The following MUC17 variants were observed in gnomAD, a reference collection of about 807,000 sequenced individuals.
MUC17 encodes the protein mucin 17, cell surface associated, also known as mucin-17.
Under a neutral mutation model 170.3 loss-of-function variants are expected in MUC17, and 190 were observed. The observed-to-expected ratio is 1.12, with a 90% CI of 0.99 to 1.26. MUC17 has a LOEUF of 1.26. MUC17 is among the 50% of genes most tolerant of loss of function. The pLI is 0.00. For synonymous variants in MUC17, 2,325 were observed against 2,002.5 expected (o/e 1.16, Z -4.30); for missense variants, 6,415 against 5,530.0 (o/e 1.16, Z -5.08).
At chr7:101,021,763 G>A (rs962608071) in intron 1 of MUC17, among the ~76,000 whole-genome samples, 5 of 152,062 alleles carry the variant, frequency 3.3e-5, no homozygotes, top group Admixed American at 6.6e-5. Context: ...GGCCAGCTTT[G>A]GGCAGCCTCT....
Position 101,035,342 on chromosome 7 carries a change from T to C in MUC17, c.3926T>C (p.Val1309Ala). The C allele has an allele frequency of 2.5e-6, 4 of 1,610,540 alleles. No homozygotes were observed. Among genetic ancestry groups the C allele is most frequent in the Non-Finnish European group, 3.4e-6 (4 of 1,178,054 alleles). ...LTTPVDTKGP[V>A]VTSNEVSSSP... ...ACTCCTGTTGACACTAAAGGTCCTGTGGTCACTTCTAATGAAGTCAGTTCA... is the reference window on the plus strand; with the variant it reads ...ACTCCTGTTGACACTAAAGGTCCTGCGGTCACTTCTAATGAAGTCAGTTCA... The change falls in exon 3 of 13, where the codon GTG (valine) becomes GCG (alanine). Residue 1309 changes from valine to alanine, a missense_variant. By Grantham distance (64) the Val-to-Ala change is moderately conservative (BLOSUM62 0). Coordinates refer to ENST00000306151, the MANE Select transcript of MUC17 (RefSeq NM_001040105.2).
intron 1 of MUC17, among the ~76,000 whole-genome samples, chr7:101,024,957 C>T (rs775928004): frequency 1.2e-4 from 18 of 151,726 alleles, no homozygotes; most frequent in African/African-American, 1.7e-4. Context: ...TGACTGACCA[C>T]GGCCACCAGC....
intron 4 of MUC17, 109 bp downstream of exon 4, chr7:101,048,224 T>G (rs1422434114): frequency 2.7e-6 from 3 of 1,107,142 alleles, no homozygotes; most frequent in East Asian, 5.9e-5. Flanking sequence ...GGGCCTCTTC[T>G]GGGCTGTGGT....
Position 101,043,672 on chromosome 7 carries a change from C to T in MUC17, c.12256C>T (p.Pro4086Ser), listed in dbSNP as rs1284863537. ...CTCTGCCTCCTCCACGACTGTGAAC[C>T]CTGAGGCTGTCACCACCATGACCAC... Reference protein sequence around the residue: ...TTSASSTTVNPEAVTTMTTRT... With the variant: ...TTSASSTTVNSEAVTTMTTRT... The change falls in exon 3 of 13, where the codon CCT (proline) becomes TCT (serine). Residue 4086 changes from proline (P) to serine (S), a missense_variant. By Grantham distance (74) the Pro-to-Ser change is moderately conservative. Transcript: ENST00000306151. The T allele has an allele frequency of 1.2e-6, 2 of 1,614,158 alleles. No individual in the cohort carries two copies. The highest frequency in any genetic ancestry group is 1.3e-5 in the African/African-American group (1 of 75,042).
Position 101,038,282 on chromosome 7 carries a change from C to A in MUC17, c.6866C>A (p.Thr2289Lys), listed in dbSNP as rs766705643. The change falls in exon 3 of 13, where the codon ACG (threonine) becomes AAG (lysine). Residue 2289 changes from threonine (T) to lysine (K), a missense_variant. Physicochemically the swap from Thr to Lys is moderately conservative, Grantham distance 78. Transcript: ENST00000306151. ...TTAACAAGTATACCTGTCAGCCACA[C>A]GCTGGTGGCCAATTCTGAGGTTAGC... ...TPLTSIPVSHTLVANSEVSTL... is the reference protein window; with the variant it reads ...TPLTSIPVSHKLVANSEVSTL... 3 of 1,613,626 alleles carry A rather than the reference C, an allele frequency of 1.9e-6. No individual in the cohort carries two copies. Among genetic ancestry groups the A allele is most frequent in the Middle Eastern group, 1.6e-4 (1 of 6,062 alleles).
Position 101,049,390 on chromosome 7 carries a change from T to C in MUC17, c.12722+8T>C. 3 of 1,610,700 alleles carry C rather than the reference T, an allele frequency of 1.9e-6. No homozygotes were observed. Among genetic ancestry groups the C allele is most frequent in the Non-Finnish European group, 2.5e-6 (3 of 1,178,336 alleles). On this transcript the variant is annotated splice_region_variant and intron_variant, in intron 6 of 12. Transcript: ENST00000306151. ...GAACATCACAAAGCTACGGTAAGTG[T>C]CTGGGCCCTTGGGAAGAGGGTCTGT...
rs267601200 is a variant in MUC17 at position 101,038,651 on chromosome 7, C to T, written c.7235C>T (p.Ser2412Phe). ...GTCAGCACCATGCCGGTGGTCAGTT[C>T]TGAGGCTAGCACCCATTCCACAACT... ...VPVSTMPVVS[S>F]EASTHSTTPV... is the part of the protein sequence containing the mutation. Residue 2412 changes from serine to phenylalanine, a missense_variant, in exon 3 of 13, where the codon TCT becomes TTT. Transcript: ENST00000306151. 1 of 1,614,060 alleles carries T rather than the reference C, an allele frequency of 6.2e-7. No homozygotes were observed. Among genetic ancestry groups the T allele is most frequent in the East Asian group, 2.2e-5 (1 of 44,862 alleles).
rs2116432446 is a variant in MUC17, at chr7:101,037,175, C to T, written c.5759C>T (p.Thr1920Ile). Residue 1920 changes from threonine to isoleucine, a missense_variant, in exon 3 of 13, where the codon ACT becomes ATT. Thr to Ile is a moderately conservative substitution (Grantham distance 89, BLOSUM62 -1). Transcript: ENST00000306151. ...GACGGTAGCAGCATGCCAACCTCAACTCCTAGGGAAGGAAGGCCTCCATTA... is the reference window on the plus strand; with the variant it reads ...GACGGTAGCAGCATGCCAACCTCAATTCCTAGGGAAGGAAGGCCTCCATTA... ...TADGSSMPTS[T>I]PREGRPPLTS... The T allele has an allele frequency of 6.2e-7, 1 of 1,612,810 alleles. No homozygotes were observed. Among genetic ancestry groups the T allele is most frequent in the Admixed American group, 1.7e-5 (1 of 59,886 alleles).
intron 3 of MUC17, among the ~76,000 whole-genome samples, chr7:101,046,346 C>T (rs1037281908): frequency 1.3e-5 from 2 of 152,134 alleles, no homozygotes; most frequent in Admixed American, 6.5e-5. Context: ...CCAGGCACAG[C>T]GAGTTTCAAG....
intron 1 of MUC17, among the ~76,000 whole-genome samples, chr7:101,027,433 A>C (rs1250131755): frequency 1.3e-5 from 2 of 152,078 alleles, no homozygotes; most frequent in Non-Finnish European, 2.9e-5. Flanking sequence ...ATGCCTGGCC[A>C]ATCTATTTAT....
At position 101,040,804 on chromosome 7, in the gene MUC17, G is replaced by A. The variant is rs764668693; in HGVS notation, c.9388G>A (p.Val3130Ile). 1.9e-6 allele frequency: 3 copies of A among 1,613,388 alleles called. 1 individual carries two copies. The highest frequency in any genetic ancestry group is 2.5e-6 in the Non-Finnish European group (3 of 1,179,782). ...AATCAGCACCCTTTCAACAACTCCT[G>A]TTGACACCAGCACACCTGTGACCAC... ...SAISTLSTTP[V>I]DTSTPVTTST... Residue 3130 changes from valine to isoleucine, a missense_variant, in exon 3 of 13, where the codon GTT (valine) becomes ATT (isoleucine). By Grantham distance (29) the Val-to-Ile change is conservative. Coordinates refer to ENST00000306151, the MANE Select transcript of MUC17 (RefSeq NM_001040105.2).
rs1243677059 is a variant in MUC17 at position 101,033,857 on chromosome 7, G to A, written c.2441G>A (p.Ser814Asn). The A allele has an allele frequency of 6.8e-6, 11 of 1,612,602 alleles. No individual in the cohort carries two copies. Among genetic ancestry groups the A allele is most frequent in the Non-Finnish European group, 9.3e-6 (11 of 1,179,694 alleles). Residue 814 changes from serine (S) to asparagine (N), a missense_variant, in exon 3 of 13, where the codon AGC becomes AAC. Ser to Asn is a conservative substitution (Grantham distance 46). Transcript: ENST00000306151. ...GSPLLTSIPV[S>N]ITPVTSPEAS... ...CCTTTATTAACAAGTATACCTGTCAGCATCACACCGGTGACCAGTCCTGAG... is the reference window on the plus strand; with the variant it reads ...CCTTTATTAACAAGTATACCTGTCAACATCACACCGGTGACCAGTCCTGAG...
At chr7:101,047,004 C>T (rs985128156) in intron 3 of MUC17, among the ~76,000 whole-genome samples, 12 of 151,510 alleles carry the variant, frequency 7.9e-5, no homozygotes, top group African/African-American at 2.9e-4. Flanking sequence ...TGGCGTGAAC[C>T]TGGGAGGCAG....
rs1794425137 is a variant in MUC17, at chr7:101,035,144, C to T, written c.3728C>T (p.Pro1243Leu). 1 of 1,610,866 alleles carries T rather than the reference C, an allele frequency of 6.2e-7. No homozygotes were observed. The highest frequency in any genetic ancestry group is 1.1e-5 in the South Asian group (1 of 90,534). ...SSEASTLSTS[P>L]VDTSTPVTTS... ...GAGGCTAGCACCCTTTCAACATCTCCCGTTGACACCAGCACACCTGTGACC... is the reference window on the plus strand; with the variant it reads ...GAGGCTAGCACCCTTTCAACATCTCTCGTTGACACCAGCACACCTGTGACC... Residue 1243 changes from proline (P) to leucine (L), a missense_variant, in exon 3 of 13, where the codon CCC (proline) becomes CTC (leucine). Coordinates refer to ENST00000306151, the MANE Select transcript of MUC17 (RefSeq NM_001040105.2).
At chr7:101,056,990 T>G (rs1050605641) in intron 12 of MUC17, among the ~76,000 whole-genome samples, 1 of 152,158 alleles carries the variant, frequency 6.6e-6, no homozygotes, top group Non-Finnish European at 1.5e-5. Flanking sequence ...TTGAAAAATG[T>G]CTCACACTCC....
chr7:101,035,358 A>C lies in MUC17; in HGVS notation c.3942A>C (p.Glu1314Asp). The C allele has an allele frequency of 6.2e-7, 1 of 1,611,030 alleles. No individual in the cohort carries two copies. The highest frequency in any genetic ancestry group is 8.5e-7 in the Non-Finnish European group (1 of 1,178,294). ...DTKGPVVTSN[E>D]VSSSPTPAEG... ...AAGGTCCTGTGGTCACTTCTAATGA[A>C]GTCAGTTCATCTCCTACACCTGCTG... The change falls in exon 3 of 13, where the codon GAA becomes GAC. Residue 1314 changes from glutamate (E) to aspartate (D), a missense_variant. Transcript: ENST00000306151.
intron 11 of MUC17, among the ~76,000 whole-genome samples, chr7:101,055,923 G>A (rs1423927089): frequency 1.3e-5 from 2 of 152,210 alleles, no homozygotes; most frequent in African/African-American, 4.8e-5. Context: ...GTATGGATCA[G>A]ATAAGAGATT....
rs752433225 is a variant in MUC17 at position 101,037,928 on chromosome 7, C to T, written c.6512C>T (p.Thr2171Ile). ...TPLTSMPVST[T>I]VVASSAISTL... ...TTAACAAGTATGCCTGTCAGCACCA[C>T]AGTGGTGGCCAGTTCTGCAATCAGC... Residue 2171 changes from threonine to isoleucine, a missense_variant, in exon 3 of 13, where the codon ACA becomes ATA. Thr to Ile is a moderately conservative substitution (Grantham distance 89, BLOSUM62 -1). Coordinates refer to ENST00000306151, the MANE Select transcript of MUC17 (RefSeq NM_001040105.2). The T allele has an allele frequency of 1.9e-6, 3 of 1,609,378 alleles. No individual in the cohort carries two copies. The highest frequency in any genetic ancestry group is 1.7e-6 in the Non-Finnish European group (2 of 1,177,380).
At chr7:101,030,745 A>G (rs558376482) in intron 1 of MUC17, among the ~76,000 whole-genome samples, 1 of 150,716 alleles carries the variant, frequency 6.6e-6, no homozygotes, top group East Asian at 2.0e-4. Context: ...ATTTTTATAA[A>G]ATTTTGTAGA....
Sources: gnomAD v4.1 joint callset for allele counts (sites outside exome capture counted in the v4.1 genomes callset) on GRCh38, gnomAD v4.1.1 for gene constraint, MANE v1.5 for transcripts, NCBI Gene and HGNC (gene_info 2026-07-23, HGNC 2026-07-21) for gene names.